Variants in RFX7 observed in about 807,000 individuals in gnomAD.
The protein encoded by RFX7 is regulatory factor X7.
Under a neutral mutation model 111.8 loss-of-function variants are expected in RFX7, and 26 were observed. The observed-to-expected ratio is 0.23, with a 90% CI of 0.17 to 0.32. The LOEUF (loss-of-function observed/expected upper bound fraction) is 0.32. RFX7 is among the 10% of genes least tolerant of loss of function. The probability of loss-of-function intolerance (pLI) is 1.00; values close to 1 mark genes in which losing one functional copy is unlikely to be tolerated. For synonymous variants in RFX7, 624 were observed against 624.4 expected (o/e 1.00, Z 0.01); for missense variants, 1,573 against 1,772.9 (o/e 0.89, Z 2.02).
intron 2 of RFX7, among the ~76,000 whole-genome samples, chr15:56,190,677 C>G (rs2043091125): frequency 6.6e-6 from 1 of 152,084 alleles, no homozygotes; most frequent in African/African-American, 2.4e-5. Flanking sequence ...TTTATGGGTC[C>G]CACTACAGAC....
At chr15:56,134,596 C>CTTTTTTTTTTTTTTTTTTT (rs71706654) in intron 5 of RFX7, among the ~76,000 whole-genome samples, 1 of 132,694 alleles carries the variant, frequency 7.5e-6, no homozygotes, top group African/African-American at 2.9e-5. Context: ...AAATCACTTT[C>CTTTTTTTTTTTTTTTTTTT]TTTTTTTTTT....
At position 56,093,752 on chromosome 15, in the gene RFX7, T is replaced by C; in HGVS notation, c.3976A>G (p.Ile1326Val). 6.2e-7 allele frequency: 1 copy of C among 1,613,914 alleles called. No homozygotes were observed. The highest frequency in any genetic ancestry group is 8.5e-7 in the Non-Finnish European group (1 of 1,179,846). Residue 1326 changes from isoleucine to valine, a missense_variant, in exon 10 of 10, where the codon ATC becomes GTC. Transcript: ENST00000559447. ...YLTKSNSTGQINFSPGDNQAQ... is the reference protein window; with the variant it reads ...YLTKSNSTGQVNFSPGDNQAQ... ...TGATTATCTCCAGGAGAAAAATTGATCTGACCGGTGCTATTACTTTTGGTG... is the reference window on the plus strand; with the variant it reads ...TGATTATCTCCAGGAGAAAAATTGACCTGACCGGTGCTATTACTTTTGGTG...
intron 5 of RFX7, among the ~76,000 whole-genome samples, chr15:56,123,234 T>C (rs1473791005): frequency 6.6e-6 from 1 of 152,096 alleles, no homozygotes; most frequent in Non-Finnish European, 1.5e-5. Flanking sequence ...TGGTTACCAC[T>C]GCTAATGGTA....
Position 56,093,383 on chromosome 15 carries a change from CTA to C in RFX7, c.4343_4344del (p.Ile1448ArgfsTer9). 1.2e-6 allele frequency: 2 copies of C among 1,613,160 alleles called. No homozygotes were observed. The highest frequency in any genetic ancestry group is 1.7e-6 in the Non-Finnish European group (2 of 1,179,482). On this transcript the variant is annotated frameshift_variant, in exon 10 of 10. Coordinates refer to ENST00000559447, the MANE Select transcript of RFX7 (RefSeq NM_022841.7). LOFTEE classifies it high-confidence loss of function. ...NSMTSSGFEW[I>X]ESKDHPTVEM... The stretch of plus-strand genomic sequence containing the variant: ...TCAACAGTAGGATGGTCCTTGCTTT[CTA>C]TCCATTCAAAACCTGATGAAGTCAT...
chr15:56,187,949 C>T (rs2043059215), intron 2 of RFX7, among the ~76,000 whole-genome samples: 1 of 151,968 alleles, frequency 6.6e-6, no homozygotes, highest in Non-Finnish European at 1.5e-5. Flanking sequence ...AAAAAAAGAC[C>T]TAGAGTCAAG....
At chr15:56,202,242 G>A (rs182277275) in intron 2 of RFX7, among the ~76,000 whole-genome samples, 68 of 152,130 alleles carry the variant, frequency 4.5e-4, no homozygotes, top group African/African-American at 1.5e-3. Context: ...AAATTACCTA[G>A]TACATTAAGA....
At position 56,243,134 on chromosome 15, in the gene RFX7, T is replaced by A. The variant is rs745722047; in HGVS notation, c.152A>T (p.Asn51Ile). Residue 51 changes from asparagine (N) to isoleucine (I), a missense_variant, in exon 2 of 10, where the codon AAC becomes ATC. Physicochemically the swap from Asn to Ile is moderately radical, Grantham distance 149. Transcript: ENST00000559447. ...TGGAGGATCCTCTTACCAGATGGAGTTCTTGATCTTGTGTTGCAGCGCGCT... is the reference window on the plus strand; with the variant it reads ...TGGAGGATCCTCTTACCAGATGGAGATCTTGATCTTGTGTTGCAGCGCGCT... The part of the protein sequence containing the change: ...EASALQHKIK[N>I]SICKTVQSKV... The A allele has an allele frequency of 7.4e-7, 1 of 1,355,822 alleles. No homozygotes were observed. The highest frequency in any genetic ancestry group is 1.2e-5 in the South Asian group (1 of 86,092). The allele number at this position is 1,355,822 out of a possible 1,614,324, so 84.0% of individuals were successfully genotyped here.
chr15:56,211,918 C>T (rs1293679293), intron 2 of RFX7, among the ~76,000 whole-genome samples: 1 of 152,136 alleles, frequency 6.6e-6, no homozygotes, highest in African/African-American at 2.4e-5. Flanking sequence ...CTCGCATTCA[C>T]TGCTGGTGGG....
At chr15:56,228,939 A>T (rs72738697) in intron 2 of RFX7, among the ~76,000 whole-genome samples, 19,799 of 152,182 alleles carry the variant, frequency 0.13, 1,690 homozygotes, top group East Asian at 0.44. Context: ...TTGTAAGAAC[A>T]AAATAGAATA....
rs368022982 is a variant in RFX7 at position 56,174,222 on chromosome 15, G to A, written c.195+5048C>T. Among the ~76,000 whole-genome samples, 5 of 152,176 alleles carry A rather than the reference G, an allele frequency of 3.3e-5. No individual in the cohort carries two copies. The East Asian group carries it at 9.7e-4, about 29-fold the overall frequency. ...GAATTCAAGAGGCGGAGGTTGCAGT[G>A]AGCTGAGATTGTGCCACTGCACTCC... is the stretch of plus-strand genomic sequence containing the variant. On this transcript the variant is annotated intron_variant, in intron 3 of 9. Transcript: ENST00000559447.
intron 5 of RFX7, among the ~76,000 whole-genome samples, chr15:56,117,928 T>C (rs2042029417): frequency 6.6e-6 from 1 of 152,120 alleles, no homozygotes; most frequent in Non-Finnish European, 1.5e-5. Flanking sequence ...CAATAAACCA[T>C]GGGGGCGTTA....
chr15:56,180,468 T>A (rs980972434), intron 2 of RFX7, among the ~76,000 whole-genome samples: 2 of 152,198 alleles, frequency 1.3e-5, no homozygotes, highest in Non-Finnish European at 2.9e-5. Context: ...TTATAATTCA[T>A]TGGCACCTAA....
chr15:56,101,462 T>C lies in RFX7; in HGVS notation c.708A>G (p.Gln236=), dbSNP rs1465357397. Residue 236 remains glutamine, a synonymous_variant, in exon 8 of 10, where the codon CAA becomes CAG. Coordinates refer to ENST00000559447, the MANE Select transcript of RFX7 (RefSeq NM_022841.7). The stretch of plus-strand genomic sequence containing the variant: ...CTAATTCCAAGACGGTGTCAAATGG[T>C]TGGCTTAACACTTTCTGGGCCCACT... ...VCEWAQKVLS[Q]PFDTVLELAR... 17 of 1,613,660 alleles carry C rather than the reference T, an allele frequency of 1.1e-5. No individual in the cohort carries two copies. Among genetic ancestry groups the C allele is most frequent in the Non-Finnish European group, 1.4e-5 (17 of 1,179,778 alleles).
intron 3 of RFX7, among the ~76,000 whole-genome samples, chr15:56,165,325 C>T (rs2042770723): frequency 6.6e-6 from 1 of 152,142 alleles, no homozygotes; most frequent in Non-Finnish European, 1.5e-5. Context: ...TACTATATTC[C>T]CCTGCAAGAG....
intron 5 of RFX7, among the ~76,000 whole-genome samples, chr15:56,108,026 T>A (rs1339143734): frequency 6.6e-6 from 1 of 152,208 alleles, no homozygotes; most frequent in African/African-American, 2.4e-5. Flanking sequence ...AATTTTTGAA[T>A]AGACCAATAA....
intron 2 of RFX7, among the ~76,000 whole-genome samples, chr15:56,188,003 T>C (rs2043059691): frequency 1.3e-5 from 2 of 152,268 alleles, no homozygotes; most frequent in South Asian, 4.1e-4. Flanking sequence ...TGATCCAAAG[T>C]GTCAGAATTA....
chr15:56,208,117 G>A (rs1172339562), intron 2 of RFX7, among the ~76,000 whole-genome samples: 1 of 152,182 alleles, frequency 6.6e-6, no homozygotes, highest in East Asian at 1.9e-4. Context: ...AACCTCCTCT[G>A]AATATTGGAG....
At chr15:56,129,548 A>C (rs1198886904) in intron 5 of RFX7, among the ~76,000 whole-genome samples, 1 of 152,198 alleles carries the variant, frequency 6.6e-6, no homozygotes, top group African/African-American at 2.4e-5. Flanking sequence ...ACCTATGTGA[A>C]GCACATAGGA....
rs151016746 is a variant in RFX7, at chr15:56,149,437, G to A, written c.196-4954C>T. Reference sequence around the variant, plus strand: ...TGTGGAAACAGACAGGAACAGCACCGGTCTGCAATTCCCAGCGAGATTGAT... The same window carrying A: ...TGTGGAAACAGACAGGAACAGCACCAGTCTGCAATTCCCAGCGAGATTGAT... On this transcript the variant is annotated intron_variant, in intron 3 of 9. Coordinates refer to ENST00000559447, the MANE Select transcript of RFX7 (RefSeq NM_022841.7). Among the ~76,000 whole-genome samples the A allele has an allele frequency of 1.1e-3, 170 of 152,244 alleles. 1 individual carries two copies. Among genetic ancestry groups the A allele is most frequent in the African/African-American group, 3.8e-3 (159 of 41,534 alleles).
Sources: allele counts gnomAD v4.1 joint callset (sites outside exome capture counted in the v4.1 genomes callset), GRCh38; gene constraint gnomAD v4.1.1; transcripts MANE v1.5; gene names NCBI Gene and HGNC (gene_info 2026-07-23, HGNC 2026-07-21).